ZC3H13: variants seen among roughly 807,000 people sequenced by gnomAD.
ZC3H13 encodes zinc finger CCCH domain-containing protein 13.
Under a neutral mutation model 204.1 loss-of-function variants are expected in ZC3H13, and 64 were observed. That is an observed-to-expected ratio of 0.31 (90% CI 0.26 to 0.39). The LOEUF (loss-of-function observed/expected upper bound fraction) is 0.39. Among genes scored for constraint, ZC3H13 ranks in the 10% least tolerant of loss-of-function variants. The pLI is 1.00. For missense variants in ZC3H13, 1,833 were observed against 2,082.7 expected (o/e 0.88, Z 2.33); for synonymous variants, 667 against 693.7 (o/e 0.96, Z 0.60).
Position 45,959,641 on chromosome 13 carries a change from C to G in ZC3H13, c.4681G>C (p.Asp1561His). ...CCCAATTCATGTTCAAAGAGATTGT[C>G]TGCATCTTTCAAAAAAAAGTAAACA... ...QRLLEKPKDA[D>H]NLFEHELGAL... The change falls in exon 18 of 19, where the codon GAC (aspartate) becomes CAC (histidine). Residue 1561 changes from aspartate to histidine, a missense_variant. By Grantham distance (81) the Asp-to-His change is moderately conservative. Coordinates refer to ENST00000679008, the MANE Select transcript of ZC3H13 (RefSeq NM_001330564.2). 1 of 1,512,660 alleles carries G rather than the reference C, an allele frequency of 6.6e-7. No homozygotes were observed. The allele number at this position is 1,512,660 out of a possible 1,614,324, so 93.7% of individuals were successfully genotyped here.
chr13:45,957,173 T>C lies in ZC3H13; in HGVS notation c.4964A>G (p.Asn1655Ser). The change falls in exon 19 of 19, where the codon AAT becomes AGT. Residue 1655 changes from asparagine (N) to serine (S), a missense_variant. By Grantham distance (46) the Asn-to-Ser change is conservative. Transcript: ENST00000679008. The stretch of plus-strand genomic sequence containing the variant: ...TTGGATACTGGACTGTGAAAGTTTA[T>C]TATCTTCAGTCTTTTCATGTCCTGG... ...HAPGHEKTED[N>S]KLSQSSIQQE... 1 of 1,547,556 alleles carries C rather than the reference T, an allele frequency of 6.5e-7. No individual in the cohort carries two copies. Among genetic ancestry groups the C allele is most frequent in the East Asian group, 2.4e-5 (1 of 40,860 alleles).
chr13:45,970,720 A>G (rs1359367979), intron 12 of ZC3H13, among the ~76,000 whole-genome samples: 3 of 152,180 alleles, frequency 2.0e-5, no homozygotes, highest in African/African-American at 7.2e-5. Context: ...CTCAAGTGAA[A>G]ATTGCCAGAT....
At chr13:45,979,321 A>AT (rs1651661919) in intron 11 of ZC3H13, among the ~76,000 whole-genome samples, 1 of 152,098 alleles carries the variant, frequency 6.6e-6, no homozygotes, top group Non-Finnish European at 1.5e-5. Flanking sequence ...AGCAAATACC[A>AT]TATCTTCTCA....
chr13:45,993,116 A>T (rs2040082828), intron 8 of ZC3H13, among the ~76,000 whole-genome samples: 1 of 152,222 alleles, frequency 6.6e-6, no homozygotes, highest in Admixed American at 6.5e-5. Context: ...TCTATGGTCC[A>T]GGGAGCAAAC....
At chr13:45,962,507 T>A in intron 17 of ZC3H13, 1 of 983,964 alleles carries the variant, frequency 1.0e-6, no homozygotes. Flanking sequence ...TTGCTTAAGG[T>A]CACAGAACCA....
In ZC3H13 at chr13:45,956,425, G is replaced by T. The variant is rs1441245565; in HGVS notation, c.*702C>A. On this transcript the variant is annotated 3_prime_UTR_variant, in exon 19 of 19. Coordinates refer to ENST00000679008, the MANE Select transcript of ZC3H13 (RefSeq NM_001330564.2). ...GATCATCAGGAATAAGATTAACGAA[G>T]AGCAAAGTAAATCTAAAACAAGGAA... 2.0e-5 allele frequency: 3 copies of T among 151,966 alleles called. No homozygotes were observed. Among genetic ancestry groups the T allele is most frequent in the Non-Finnish European group, 4.4e-5 (3 of 67,966 alleles). The allele number at this position is 151,966 out of a possible 1,614,324, so 9.4% of individuals were successfully genotyped here. A position where few individuals can be genotyped will look rare whatever the true frequency, so the allele number is the denominator to read the frequency against.
Position 45,989,075 on chromosome 13 carries a change from G to A in ZC3H13, c.967C>T (p.His323Tyr), listed in dbSNP as rs779645017. Residue 323 changes from histidine (H) to tyrosine (Y), a missense_variant, in exon 9 of 19, where the codon CAT (histidine) becomes TAT (tyrosine). Transcript: ENST00000679008. ...TGTCTAGAAGATATAGGAGAATGAT[G>A]CTGTCCTGCTGGGGAAGTAGACCTA... Reference protein sequence around the residue: ...KPRSTSPAGQHHSPISSRHHS... With the variant: ...KPRSTSPAGQYHSPISSRHHS... The A allele has an allele frequency of 6.2e-7, 1 of 1,613,680 alleles. No individual in the cohort carries two copies. The highest frequency in any genetic ancestry group is 1.3e-5 in the African/African-American group (1 of 75,048).
At chr13:46,049,873 C>A (rs2044277368) in intron 1 of ZC3H13, among the ~76,000 whole-genome samples, 2 of 151,996 alleles carry the variant, frequency 1.3e-5, no homozygotes, top group South Asian at 2.1e-4. Context: ...GAATAGAAAT[C>A]AAGGTCATAC....
intron 3 of ZC3H13, among the ~76,000 whole-genome samples, chr13:46,042,896 A>T (rs916445146): frequency 1.3e-5 from 2 of 152,018 alleles, no homozygotes; most frequent in Non-Finnish European, 2.9e-5. Flanking sequence ...AAGATAAAGG[A>T]TTCAAGGCAA....
In ZC3H13 at chr13:45,957,400, T is replaced by G. The variant is rs1951338809; in HGVS notation, c.4840-103A>C. 47 of 1,081,618 alleles carry G rather than the reference T, an allele frequency of 4.3e-5. No homozygotes were observed. The South Asian group carries it at 1.4e-3, about 33-fold the overall frequency. 67.0% of individuals were successfully genotyped at this position (1,081,618 alleles called of 1,614,324 possible). On this transcript the variant is annotated intron_variant, in intron 18 of 18. Transcript: ENST00000679008. Reference sequence around the variant, plus strand: ...CCAAAATATCAAAGTTATAAGAGTATTTCATTTTGGATATTAAATTAGCTT... The same window carrying G: ...CCAAAATATCAAAGTTATAAGAGTAGTTCATTTTGGATATTAAATTAGCTT...
At chr13:46,034,031 A>C (rs910876114) in intron 4 of ZC3H13, among the ~76,000 whole-genome samples, 1 of 152,188 alleles carries the variant, frequency 6.6e-6, no homozygotes, top group Non-Finnish European at 1.5e-5. Context: ...AAAGATATAC[A>C]TAAGATCAGA....
chr13:46,013,750 ATAAATGATTGT>A (rs2138700937), intron 5 of ZC3H13, among the ~76,000 whole-genome samples: 1 of 152,344 alleles, frequency 6.6e-6, no homozygotes, highest in South Asian at 2.1e-4. Flanking sequence ...ATTGATTCAC[ATAAATGATTGT>A]TAAGTCATCA....
intron 4 of ZC3H13, among the ~76,000 whole-genome samples, chr13:46,028,670 T>A (rs1294391018): frequency 2.6e-5 from 4 of 152,070 alleles, no homozygotes; most frequent in Non-Finnish European, 4.4e-5. Context: ...AATCCCCAAA[T>A]GCTTAGAAAT....
At chr13:46,034,633 G>A (rs1436514110) in intron 4 of ZC3H13, among the ~76,000 whole-genome samples, 1 of 152,168 alleles carries the variant, frequency 6.6e-6, no homozygotes, top group Non-Finnish European at 1.5e-5. Context: ...TCGGTTGACA[G>A]ATATGTTCTG....
At chr13:46,002,959 G>T (rs2040856874) in intron 8 of ZC3H13, among the ~76,000 whole-genome samples, 180 bp downstream of exon 8, 1 of 151,820 alleles carries the variant, frequency 6.6e-6, no homozygotes, top group African/African-American at 2.4e-5. Flanking sequence ...AAAAATTAAG[G>T]CTTACTGAAT....
intron 6 of ZC3H13, among the ~76,000 whole-genome samples, chr13:46,011,073 T>C (rs902468671): frequency 1.2e-4 from 19 of 152,146 alleles, no homozygotes; most frequent in African/African-American, 4.6e-4. Flanking sequence ...TATATTTAAA[T>C]TAACTGTATC....
rs1463045303 is a variant in ZC3H13, at chr13:45,978,864, T to C, written c.1912+949A>G. On this transcript the variant is annotated intron_variant, in intron 11 of 18. Coordinates refer to ENST00000679008, the MANE Select transcript of ZC3H13 (RefSeq NM_001330564.2). ...TAACTAAGGAAATTCTACACATCTT[T>C]TAACCAAAATGCATTAGGCTTACCT... is the stretch of plus-strand genomic sequence containing the variant. 5.3e-5 allele frequency among the ~76,000 whole-genome samples: 8 copies of C among 152,036 alleles called. 1 individual carries two copies. Among genetic ancestry groups the C allele is most frequent in the Admixed American group, 5.2e-4 (8 of 15,246 alleles).
rs893035902 is a variant in ZC3H13 at position 45,973,593 on chromosome 13, G to A, written c.2468+1690C>T. Among the ~76,000 whole-genome samples, 16 of 152,256 alleles carry A rather than the reference G, an allele frequency of 1.1e-4. No individual in the cohort carries two copies. The East Asian group carries it at 3.1e-3, about 29-fold the overall frequency. On this transcript the variant is annotated intron_variant, in intron 12 of 18. Transcript: ENST00000679008. ...ATGTGAAAATCTGAAATGTTCCAATGAGCATTTCCTCTGAGTGCCATGTCA... is the reference window on the plus strand; with the variant it reads ...ATGTGAAAATCTGAAATGTTCCAATAAGCATTTCCTCTGAGTGCCATGTCA...
At chr13:45,981,037 T>C (rs1953542944) in intron 10 of ZC3H13, among the ~76,000 whole-genome samples, 1 of 152,178 alleles carries the variant, frequency 6.6e-6, no homozygotes, top group African/African-American at 2.4e-5. Context: ...TGTACATTTA[T>C]TTGCAATCTC....
Sources: gnomAD v4.1 joint callset for allele counts (sites outside exome capture counted in the v4.1 genomes callset) on GRCh38, gnomAD v4.1.1 for gene constraint, MANE v1.5 for transcripts, NCBI Gene and HGNC (gene_info 2026-07-23, HGNC 2026-07-21) for gene names.